Variants in BLZF1 observed in about 807,000 individuals in gnomAD.
The protein encoded by BLZF1 is basic leucine zipper nuclear factor 1.
A neutral mutation model predicts 43.8 loss-of-function variants in BLZF1; 39 were observed. The ratio of observed to expected loss-of-function variants is 0.89; its 90% confidence interval spans 0.69 to 1.16. The LOEUF (loss-of-function observed/expected upper bound fraction) is 1.16, where lower values mean the gene tolerates loss of function less well. Among genes scored for constraint, BLZF1 ranks in the 50% most tolerant of loss-of-function variants. BLZF1 has a pLI of 0.00. For synonymous variants in BLZF1, 136 were observed against 159.4 expected (o/e 0.85, Z 1.11); for missense variants, 449 against 469.8 (o/e 0.96, Z 0.41).
Position 169,380,606 on chromosome 1 carries a change from A to G in BLZF1, c.794A>G (p.Gln265Arg), listed in dbSNP as rs527955070. The G allele has an allele frequency of 2.0e-5, 32 of 1,612,580 alleles. No homozygotes were observed. In the South Asian group the frequency reaches 3.4e-4, roughly 17 times the overall value. Residue 265 changes from glutamine to arginine, a missense_variant, in exon 5 of 7, where the codon CAG becomes CGG. Coordinates refer to ENST00000367808, the MANE Select transcript of BLZF1 (RefSeq NM_001320973.2). ...TTTCGTCAAGAAATGATAGCTACCC[A>G]GAAGTATGGCACTTGTTTACATTCT... ...EQFRQEMIAT[Q>R]KLLEELLVSL... is the part of the protein sequence containing the mutation.
intron 7 of BLZF1, chr1:169,395,150 C>T (rs763243832): frequency 1.2e-5 from 19 of 1,613,370 alleles, no homozygotes; most frequent in Middle Eastern, 3.3e-4. Context: ...CTGTCTAGTT[C>T]TCTCTCTGAC....
At chr1:169,381,920 G>T in intron 5 of BLZF1, 142 bp from the exon 6 acceptor site, 1 of 664,506 alleles carries the variant, frequency 1.5e-6, no homozygotes, top group African/African-American at 1.8e-5. Flanking sequence ...TAAGACATCC[G>T]AATTTATGGA....
chr1:169,377,252 A>G (rs113025372), intron 3 of BLZF1: 6 of 419,830 alleles, frequency 1.4e-5, no homozygotes, highest in African/African-American at 6.2e-5. Flanking sequence ...TACAATTATA[A>G]ACTGCCAGAC....
chr1:169,372,804 A>AT (rs1367191788), intron 2 of BLZF1, among the ~76,000 whole-genome samples: 3 of 151,500 alleles, frequency 2.0e-5, no homozygotes, highest in South Asian at 4.2e-4. Flanking sequence ...CAGACAATAA[A>AT]TTTTTTTTTG....
intron 2 of BLZF1, 119 bp downstream of exon 2, chr1:169,369,669 C>A: frequency 1.5e-6 from 1 of 680,394 alleles, no homozygotes; most frequent in South Asian, 2.1e-5. Flanking sequence ...TATTTCAGAT[C>A]CCTTTATGTT....
rs1258865763 is a variant in BLZF1 at position 169,376,986 on chromosome 1, A to C, written c.468+7A>C. 6.2e-7 allele frequency: 1 copy of C among 1,608,932 alleles called. No homozygotes were observed. Among genetic ancestry groups the C allele is most frequent in the Non-Finnish European group, 8.5e-7 (1 of 1,177,274 alleles). ...GCTCCGTGTACAGACAGAGGTAAGA[A>C]GAGCCTTAATCGATAAAATGAGTAC... is the stretch of plus-strand genomic sequence containing the variant. On this transcript the variant is annotated splice_region_variant and intron_variant, in intron 3 of 6. Coordinates refer to ENST00000367808, the MANE Select transcript of BLZF1 (RefSeq NM_001320973.2).
intron 3 of BLZF1, 127 bp from the exon 4 acceptor site, chr1:169,378,203 T>C (rs1345794587): frequency 1.2e-6 from 1 of 811,680 alleles, no homozygotes; most frequent in Non-Finnish European, 2.0e-6. Flanking sequence ...ATTTTACTTT[T>C]TGATAGAAAC....
downstream of BLZF1, among the ~76,000 whole-genome samples, chr1:169,390,115 TA>T (rs554422463): frequency 9.3e-4 from 141 of 152,096 alleles, 1 homozygote; most frequent in African/African-American, 3.2e-3. Flanking sequence ...ACGTTACAAT[TA>T]AAAAACTAAA....
At chr1:169,382,342 A>AC (rs1299554669) in intron 6 of BLZF1, 61 bp downstream of exon 6, 5 of 1,457,340 alleles carry the variant, frequency 3.4e-6, no homozygotes, top group Non-Finnish European at 4.7e-6. Flanking sequence ...CTGAAAGGTG[A>AC]CATATCATGG....
chr1:169,385,160 A>T (rs901052540), intron 6 of BLZF1, among the ~76,000 whole-genome samples: 7 of 152,064 alleles, frequency 4.6e-5, no homozygotes, highest in Non-Finnish European at 1.0e-4. Context: ...CAACCATTTT[A>T]TTTCACTATA....
chr1:169,378,669 C>G (rs1235111589), intron 4 of BLZF1, 140 bp downstream of exon 4: 14 of 711,718 alleles, frequency 2.0e-5, no homozygotes, highest in Non-Finnish European at 3.3e-5. Flanking sequence ...TGTGGACTCT[C>G]TCTCCTCTGG....
chr1:169,392,380 C>G (rs1165306816), downstream of BLZF1, among the ~76,000 whole-genome samples: 1 of 152,146 alleles, frequency 6.6e-6, no homozygotes, highest in Non-Finnish European at 1.5e-5. Context: ...GCTGTTGGCA[C>G]AAGTACAGAT....
At chr1:169,395,908 T>C (rs1435336152) in exon 8 of BLZF1, 1 of 148,454 alleles carries the variant, frequency 6.7e-6, no homozygotes, top group Non-Finnish European at 1.5e-5. Context: ...AACAACTAAA[T>C]AACTGTATTA....
intron 2 of BLZF1, among the ~76,000 whole-genome samples, chr1:169,370,993 GA>G (rs1408997275): frequency 6.6e-6 from 1 of 152,170 alleles, no homozygotes; most frequent in Non-Finnish European, 1.5e-5. Flanking sequence ...GTTAAAGATG[GA>G]AAACTGTTTT....
chr1:169,376,961 G>C lies in BLZF1; in HGVS notation c.450G>C (p.Gln150His), dbSNP rs760518419. The change falls in exon 3 of 7, where the codon CAG (glutamine) becomes CAC (histidine). Residue 150 changes from glutamine to histidine, a missense_variant. Transcript: ENST00000367808. ...AGGACAAAGAAGGTCTTTCAAACCA[G>C]CTCCGTGTACAGACAGAGGTAAGAA... ...LLQDKEGLSN[Q>H]LRVQTEVNRE... 28 of 1,612,902 alleles carry C rather than the reference G, an allele frequency of 1.7e-5. No homozygotes were observed. The highest frequency in any genetic ancestry group is 2.4e-5 in the Non-Finnish European group (28 of 1,179,334).
Position 169,378,572 on chromosome 1 carries a change from T to C in BLZF1, c.668+43T>C, listed in dbSNP as rs778753981. Reference sequence around the variant, plus strand: ...TAGTATTTCACTTCCTAGTTTTTGCTCCATCAGGTTTTTGATCTATAACAC... The same window carrying C: ...TAGTATTTCACTTCCTAGTTTTTGCCCCATCAGGTTTTTGATCTATAACAC... On this transcript the variant is annotated intron_variant, in intron 4 of 6. Coordinates refer to ENST00000367808, the MANE Select transcript of BLZF1 (RefSeq NM_001320973.2). The C allele has an allele frequency of 4.4e-6, 7 of 1,589,804 alleles. No homozygotes were observed. The South Asian group carries it at 7.8e-5, about 18-fold the overall frequency.
chr1:169,378,254 T>C (rs1200321918), intron 3 of BLZF1, 76 bp from the exon 4 acceptor site: 8 of 1,401,640 alleles, frequency 5.7e-6, no homozygotes, highest in Non-Finnish European at 8.0e-6. Flanking sequence ...AAACACAGTC[T>C]CTTTTTGTTA....
chr1:169,384,678 C>T (rs1654620739), intron 6 of BLZF1, among the ~76,000 whole-genome samples: 1 of 152,118 alleles, frequency 6.6e-6, no homozygotes, highest in Non-Finnish European at 1.5e-5. Flanking sequence ...GACTACCCTC[C>T]CCACACCTCT....
chr1:169,381,301 T>C (rs903627920), intron 5 of BLZF1, among the ~76,000 whole-genome samples: 3 of 151,780 alleles, frequency 2.0e-5, no homozygotes, highest in Non-Finnish European at 4.4e-5. Flanking sequence ...ATGGACAAAC[T>C]CCATGAAAGA....
Sources: allele counts gnomAD v4.1 joint callset (sites outside exome capture counted in the v4.1 genomes callset), GRCh38; gene constraint gnomAD v4.1.1; transcripts MANE v1.5; gene names NCBI Gene and HGNC (gene_info 2026-07-23, HGNC 2026-07-21).